GLI2: variants seen among roughly 807,000 people sequenced by gnomAD.
GLI2 encodes the protein GLI family zinc finger 2, also known as transcription activator GLI2.
GLI2 carries 22 observed loss-of-function variants against 78.9 expected under a neutral mutation model. The ratio of observed to expected loss-of-function variants is 0.28; its 90% CI spans 0.20 to 0.40. The LOEUF is 0.40. GLI2 is among the 10% of genes least tolerant of loss of function. The probability of loss-of-function intolerance (pLI) is 1.00; values close to 1 mark genes in which losing one functional copy is unlikely to be tolerated. For synonymous variants in GLI2, 974 were observed against 963.7 expected (o/e 1.01, Z -0.20); for missense variants, 2,097 against 2,213.2 (o/e 0.95, Z 1.05).
intron 3 of GLI2, among the ~76,000 whole-genome samples, chr2:120,940,384 A>G (rs540211874): frequency 6.6e-5 from 10 of 152,182 alleles, no homozygotes; most frequent in Non-Finnish European, 2.9e-5. Context: ...TTGTTCCCCA[A>G]TACAACATGT....
intron 1 of GLI2, among the ~76,000 whole-genome samples, chr2:120,780,945 C>T (rs1207525467): frequency 6.6e-6 from 1 of 152,192 alleles, no homozygotes; most frequent in Admixed American, 6.5e-5. Flanking sequence ...CGTGGCAGCC[C>T]CAGCTGCCCT....
At chr2:120,881,604 TGGCG>T (rs1677131867) in intron 2 of GLI2, among the ~76,000 whole-genome samples, 1 of 27,152 alleles carries the variant, frequency 3.7e-5, no homozygotes, top group Non-Finnish European at 6.7e-5. Context: ...ATAGCTGGGG[TGGCG>T]GGGGGGAGGA....
At chr2:120,823,214 C>G (rs943923077) in intron 2 of GLI2, among the ~76,000 whole-genome samples, 1 of 152,338 alleles carries the variant, frequency 6.6e-6, no homozygotes, top group South Asian at 2.1e-4. Context: ...AGCTAAAGAT[C>G]ATTTACCTGA....
intron 9 of GLI2, among the ~76,000 whole-genome samples, chr2:120,976,514 C>T (rs1437150478): frequency 6.6e-6 from 1 of 152,172 alleles, no homozygotes; most frequent in African/African-American, 2.4e-5. Context: ...CTAGATGGAG[C>T]AGGGACCGTG....
At chr2:120,812,517 G>GGAC (rs1195033309) in intron 2 of GLI2, among the ~76,000 whole-genome samples, 1 of 152,162 alleles carries the variant, frequency 6.6e-6, no homozygotes, top group Non-Finnish European at 1.5e-5. Context: ...GGTTTTCGAA[G>GGAC]GACTGACCGT....
At chr2:120,825,499 C>G (rs997198007) in intron 2 of GLI2, among the ~76,000 whole-genome samples, 2 of 148,860 alleles carry the variant, frequency 1.3e-5, no homozygotes, top group East Asian at 4.0e-4. Flanking sequence ...TGTGACCTGG[C>G]TGTGGGTGTG....
At position 120,829,162 on chromosome 2, in the gene GLI2, G is replaced by A. The variant is rs376684836; in HGVS notation, c.148+31694G>A. On this transcript the variant is annotated intron_variant, in intron 2 of 13. Coordinates refer to ENST00000361492, the MANE Select transcript of GLI2 (RefSeq NM_001374353.1). ...CCACGTGCACACCCAGCACCCACAC[G>A]CACCCTTCATACACTTATACACACA... 2.4e-3 allele frequency among the ~76,000 whole-genome samples: 369 copies of A among 152,154 alleles called. 2 individuals are homozygous for A. The highest frequency in any genetic ancestry group is 7.2e-3 in the African/African-American group (301 of 41,526).
chr2:120,955,363 C>T lies in GLI2; in HGVS notation c.576C>T (p.Asp192=). 6.2e-7 allele frequency: 1 copy of T among 1,613,426 alleles called. No homozygotes were observed. The highest frequency in any genetic ancestry group is 8.5e-7 in the Non-Finnish European group (1 of 1,179,642). Residue 192 remains aspartate (D), a synonymous_variant, in exon 5 of 14, where the codon GAC becomes GAT. Transcript: ENST00000361492. ...CAGGCCACCCCGCGCCCTACGGGGA[C>T]CTGCTGATGCAGAGCGGGGGCGCTG... is the stretch of plus-strand genomic sequence containing the variant. ...LVAGHPAPYG[D]LLMQSGGAAS...
intron 1 of GLI2, among the ~76,000 whole-genome samples, chr2:120,742,410 A>T (rs1198294918): frequency 6.6e-6 from 1 of 152,186 alleles, no homozygotes; most frequent in Non-Finnish European, 1.5e-5. Context: ...CTTTTGAGCC[A>T]CATTTATAAG....
At position 120,927,393 on chromosome 2, in the gene GLI2, C is replaced by A. The variant is rs1486772738; in HGVS notation, c.181C>A (p.Pro61Thr). ...GCATCTCTTGCCACCATTCCATGCG[C>A]CCCTACCGATTGACATGCGACACCA... ...PQHLLPPFHA[P>T]LPIDMRHQEG... The change falls in exon 3 of 14, where the codon CCC becomes ACC. Residue 61 changes from proline (P) to threonine (T), a missense_variant. Pro to Thr is a conservative substitution (Grantham distance 38). Transcript: ENST00000361492. The A allele has an allele frequency of 8.1e-6, 13 of 1,614,010 alleles. No homozygotes were observed. Among genetic ancestry groups the A allele is most frequent in the Non-Finnish European group, 1.1e-5 (13 of 1,179,846 alleles).
intron 2 of GLI2, among the ~76,000 whole-genome samples, chr2:120,802,186 G>A (rs1684739530): frequency 1.3e-5 from 2 of 152,178 alleles, no homozygotes; most frequent in Admixed American, 6.5e-5. Context: ...CCATGAGGTC[G>A]GACCTGTTGG....
In GLI2 at chr2:120,982,891, G is replaced by A. The variant is rs140347335; in HGVS notation, c.1632+11G>A. The A allele has an allele frequency of 1.5e-4, 235 of 1,613,210 alleles. No individual in the cohort carries two copies. The highest frequency in any genetic ancestry group is 1.0e-3 in the African/African-American group (77 of 75,050). The stretch of plus-strand genomic sequence containing the variant: ...ACCCACTCCAACGAGGTACCTCTGC[G>A]GGGCATGCACTGGGCATGCACACTG... On this transcript the variant is annotated intron_variant, in intron 11 of 13. Coordinates refer to ENST00000361492, the MANE Select transcript of GLI2 (RefSeq NM_001374353.1).
chr2:120,751,661 G>A (rs72969939), intron 1 of GLI2, among the ~76,000 whole-genome samples: 2,929 of 152,262 alleles, frequency 0.019, 96 homozygotes, highest in African/African-American at 0.066. Context: ...GGTGTTCTCT[G>A]TGGGTAATGC....
At chr2:120,791,098 G>A (rs1251253502) in intron 1 of GLI2, among the ~76,000 whole-genome samples, 1 of 152,156 alleles carries the variant, frequency 6.6e-6, no homozygotes, top group Non-Finnish European at 1.5e-5. Flanking sequence ...GACTATGCTG[G>A]TCCAGGCACA....
chr2:120,774,478 C>T (rs1387213348), intron 1 of GLI2, among the ~76,000 whole-genome samples: 2 of 152,160 alleles, frequency 1.3e-5, no homozygotes, highest in Non-Finnish European at 2.9e-5. Flanking sequence ...GCAGTCGCTC[C>T]CCATCCCTGG....
At chr2:120,854,503 G>T (rs1445222004) in intron 2 of GLI2, among the ~76,000 whole-genome samples, 1 of 152,214 alleles carries the variant, frequency 6.6e-6, no homozygotes, top group Non-Finnish European at 1.5e-5. Flanking sequence ...TGCAGGCTGT[G>T]ACAATCAGGG....
chr2:120,747,161 C>A (rs1223287424), intron 1 of GLI2, among the ~76,000 whole-genome samples: 1 of 152,182 alleles, frequency 6.6e-6, no homozygotes, highest in Non-Finnish European at 1.5e-5. Context: ...TTTTTCAGGT[C>A]CTTGTTAGGC....
chr2:120,954,118 G>A (rs1253680420), intron 4 of GLI2, among the ~76,000 whole-genome samples: 1 of 152,170 alleles, frequency 6.6e-6, no homozygotes, highest in East Asian at 1.9e-4. Flanking sequence ...TGGCAGATTA[G>A]GCTCAAGAGC....
chr2:120,938,790 T>C (rs180937856), intron 3 of GLI2, among the ~76,000 whole-genome samples: 17 of 152,292 alleles, frequency 1.1e-4, no homozygotes, highest in African/African-American at 3.8e-4. Flanking sequence ...TGTAGACGAC[T>C]GAGCCTCAGA....
Sources: allele counts gnomAD v4.1 joint callset (sites outside exome capture counted in the v4.1 genomes callset), GRCh38; gene constraint gnomAD v4.1.1; transcripts MANE v1.5; gene names NCBI Gene and HGNC (gene_info 2026-07-23, HGNC 2026-07-21).